Variants in PITPNA observed in about 807,000 individuals in gnomAD.
PITPNA encodes phosphatidylinositol transfer protein alpha, also known as phosphatidylinositol transfer protein alpha isoform.
PITPNA carries 13 observed loss-of-function variants against 50.3 expected under a neutral mutation model. The ratio of observed to expected loss-of-function variants is 0.26; its 90% CI spans 0.17 to 0.41. PITPNA has a LOEUF of 0.41. Ranked by LOEUF, PITPNA falls within the 10% of genes least tolerant of loss-of-function variation. The pLI is 1.00. For synonymous variants in PITPNA, 120 were observed against 119.6 expected, an observed-to-expected ratio of 1.00 and a Z score of -0.02; for missense variants, 207 against 333.4, an observed-to-expected ratio of 0.62 and a Z score of 2.95.
At chr17:1,559,776 C>A (rs1008624245) in intron 1 of PITPNA, 2 of 985,244 alleles carry the variant, frequency 2.0e-6, no homozygotes, top group African/African-American at 3.5e-5. Context: ...AGACACCAAG[C>A]AGGAAAGTAG....
intron 4 of PITPNA, among the ~76,000 whole-genome samples, chr17:1,543,900 T>C (rs2075660307): frequency 6.6e-6 from 1 of 152,214 alleles, no homozygotes; most frequent in Non-Finnish European, 1.5e-5. Flanking sequence ...TGTTAGCAGC[T>C]TCAAGAAAAC....
At chr17:1,531,899 TCC>T (rs1466711158) in intron 10 of PITPNA, among the ~76,000 whole-genome samples, 1 of 150,020 alleles carries the variant, frequency 6.7e-6, no homozygotes, top group Non-Finnish European at 1.5e-5. Context: ...CACACAAAGG[TCC>T]TGCACAGTTG....
intron 3 of PITPNA, 40 bp downstream of exon 3, chr17:1,552,964 A>G (rs938640880): frequency 1.2e-6 from 2 of 1,608,642 alleles, no homozygotes. Context: ...TCACACACAC[A>G]CAAAAGCCAG....
At chr17:1,522,545 G>C (rs1387055424) in intron 10 of PITPNA, among the ~76,000 whole-genome samples, 1 of 152,052 alleles carries the variant, frequency 6.6e-6, no homozygotes, top group Non-Finnish European at 1.5e-5. Context: ...GCTAATTTTT[G>C]TATTTTTAGG....
intron 7 of PITPNA, chr17:1,535,747 A>G: frequency 1.8e-6 from 1 of 554,414 alleles, no homozygotes; most frequent in South Asian, 2.0e-5. Flanking sequence ...TGCCAGTGTG[A>G]AAGTATCACC....
intron 10 of PITPNA, among the ~76,000 whole-genome samples, chr17:1,522,101 G>T (rs574915926): frequency 7.0e-6 from 1 of 142,974 alleles, no homozygotes; most frequent in East Asian, 2.1e-4. Flanking sequence ...GTCTCGCTCT[G>T]CCGCCCAGGC....
rs768989316 is a variant in PITPNA at position 1,548,392 on chromosome 17, A to G, written c.198-5T>C. On this transcript the variant is annotated splice_polypyrimidine_tract_variant and splice_region_variant and intron_variant, in intron 3 of 11. Coordinates refer to ENST00000313486, the MANE Select transcript of PITPNA (RefSeq NM_006224.4). ...CGAACAAACGTGGGTACTTTGCTATAGCGGGGAAAAAAAGGGGTATAAAGA... is the reference window on the plus strand; with the variant it reads ...CGAACAAACGTGGGTACTTTGCTATGGCGGGGAAAAAAAGGGGTATAAAGA... 3.1e-6 allele frequency: 5 copies of G among 1,591,376 alleles called. No homozygotes were observed. Among genetic ancestry groups the G allele is most frequent in the South Asian group, 1.1e-5 (1 of 88,554 alleles).
chr17:1,548,127 TTC>T (rs2075687688), intron 4 of PITPNA, among the ~76,000 whole-genome samples, 167 bp downstream of exon 4: 2 of 152,260 alleles, frequency 1.3e-5, no homozygotes, highest in Non-Finnish European at 2.9e-5. Flanking sequence ...CGACCGGTGC[TTC>T]TCGCCCTGCT....
At chr17:1,539,893 C>T (rs192194951) in intron 6 of PITPNA, among the ~76,000 whole-genome samples, 174 of 152,346 alleles carry the variant, frequency 1.1e-3, no homozygotes, top group Middle Eastern at 6.8e-3. Context: ...TGGGCTACCA[C>T]GCCCAGCTAA....
chr17:1,541,662 C>A (rs775938881), intron 5 of PITPNA, 22 bp from the exon 6 acceptor site: 2 of 1,491,710 alleles, frequency 1.3e-6, no homozygotes, highest in Non-Finnish European at 1.9e-6. Flanking sequence ...AAAAAAAATA[C>A]ATGAAAGTCA....
intron 7 of PITPNA, among the ~76,000 whole-genome samples, chr17:1,537,993 G>T (rs144288812): frequency 1.7e-4 from 26 of 152,166 alleles, no homozygotes; most frequent in African/African-American, 5.5e-4. Flanking sequence ...TAGAGATGGG[G>T]TTTCACCATG....
intron 10 of PITPNA, among the ~76,000 whole-genome samples, chr17:1,524,234 C>T (rs557028277): frequency 4.3e-4 from 64 of 150,114 alleles, no homozygotes; most frequent in South Asian, 8.5e-4. Context: ...TTAGTAGAGA[C>T]GGGGTTTCAC....
chr17:1,553,541 C>T (rs1488616503), intron 2 of PITPNA, among the ~76,000 whole-genome samples: 1 of 152,124 alleles, frequency 6.6e-6, no homozygotes, highest in Non-Finnish European at 1.5e-5. Flanking sequence ...CGTTCCCAGT[C>T]AATCCATCAG....
In PITPNA at chr17:1,539,577, T is replaced by C. The variant is rs568545435; in HGVS notation, c.373-625A>G. Among the ~76,000 whole-genome samples, 13 of 149,974 alleles carry C rather than the reference T, an allele frequency of 8.7e-5. No individual in the cohort carries two copies. In the South Asian group the frequency reaches 2.8e-3, roughly 32 times the overall value. The stretch of plus-strand genomic sequence containing the variant: ...GAGTGATCCTCCCGTCTCAGCCTCC[T>C]GAGGAGCTGGGCCCGAGCAATCCTC... On this transcript the variant is annotated intron_variant, in intron 6 of 11. Transcript: ENST00000313486.
Position 1,541,500 on chromosome 17 carries a change from C to G in PITPNA, c.372+66G>C, listed in dbSNP as rs149266700. Reference sequence around the variant, plus strand: ...ACCACAGAGAGGACCCCATGGTAGCCCTGGAGAGGCTACAAGGCAGAGACT... The same window carrying G: ...ACCACAGAGAGGACCCCATGGTAGCGCTGGAGAGGCTACAAGGCAGAGACT... On this transcript the variant is annotated intron_variant, in intron 6 of 11. Coordinates refer to ENST00000313486, the MANE Select transcript of PITPNA (RefSeq NM_006224.4). 1.7e-3 allele frequency: 1,920 copies of G among 1,149,822 alleles called. 20 individuals are homozygous for G. In the African/African-American group the frequency reaches 0.024, roughly 15 times the overall value. The allele number at this position is 1,149,822 out of a possible 1,614,324, so 71.2% of individuals were successfully genotyped here.
chr17:1,536,024 T>C (rs1459652526), intron 7 of PITPNA, among the ~76,000 whole-genome samples: 1 of 152,208 alleles, frequency 6.6e-6, no homozygotes, highest in Non-Finnish European at 1.5e-5. Flanking sequence ...AATCTCCCTC[T>C]GGCTTGTTTT....
rs376397598 is a variant in PITPNA, at chr17:1,549,608, G to A, written c.198-1221C>T. Among the ~76,000 whole-genome samples, 13 of 144,648 alleles carry A rather than the reference G, an allele frequency of 9.0e-5. 4 individuals are homozygous for A. The highest frequency in any genetic ancestry group is 4.3e-4 in the South Asian group (2 of 4,622). 94.9% of individuals were successfully genotyped at this position (144,648 alleles called of 152,430 possible). A position where few individuals can be genotyped will look rare whatever the true frequency, so the allele number is the denominator to read the frequency against. ...TGAGATTACAGTGGCGTGAGCCACC[G>A]TGCCTGGCCTAGAAAGATTTTTTAA... On this transcript the variant is annotated intron_variant, in intron 3 of 11. Coordinates refer to ENST00000313486, the MANE Select transcript of PITPNA (RefSeq NM_006224.4).
rs755391588 is a variant in PITPNA, at chr17:1,548,399, A to G, written c.198-12T>C. On this transcript the variant is annotated splice_polypyrimidine_tract_variant and intron_variant, in intron 3 of 11. Transcript: ENST00000313486. Reference sequence around the variant, plus strand: ...ACGTGGGTACTTTGCTATAGCGGGGAAAAAAAGGGGTATAAAGAGAAATGG... The same window carrying G: ...ACGTGGGTACTTTGCTATAGCGGGGGAAAAAAGGGGTATAAAGAGAAATGG... The G allele has an allele frequency of 3.2e-5, 50 of 1,547,100 alleles. No homozygotes were observed. The highest frequency in any genetic ancestry group is 3.2e-4 in the African/African-American group (23 of 72,360).
chr17:1,562,715 G>T lies in PITPNA; in HGVS notation c.-155C>A, dbSNP rs1456951741. ...CCGCCCTCGCCGCGGTCGCCGCGCCGGCTCCTGCCGCCCGGGCCTCGTCGC... is the reference window on the plus strand; with the variant it reads ...CCGCCCTCGCCGCGGTCGCCGCGCCTGCTCCTGCCGCCCGGGCCTCGTCGC... On this transcript the variant is annotated 5_prime_UTR_variant, in exon 1 of 12. Coordinates refer to ENST00000313486, the MANE Select transcript of PITPNA (RefSeq NM_006224.4). The surrounding 1 kb of genome is among the most constrained non-coding windows in gnomAD (Gnocchi z 6.4). The T allele has an allele frequency of 6.2e-6, 2 of 323,450 alleles. No individual in the cohort carries two copies. Among genetic ancestry groups the T allele is most frequent in the South Asian group, 2.2e-4 (2 of 8,892 alleles). 20.0% of individuals were successfully genotyped at this position (323,450 alleles called of 1,614,324 possible).
Sources: gnomAD v4.1 joint callset for allele counts (sites outside exome capture counted in the v4.1 genomes callset) on GRCh38, gnomAD v4.1.1 for gene constraint, Gnocchi (gnomAD v3.1) non-coding constraint, MANE v1.5 for transcripts, NCBI Gene and HGNC (gene_info 2026-07-23, HGNC 2026-07-21) for gene names.